Variants in EXOC6B observed in about 807,000 individuals in gnomAD.
The protein encoded by EXOC6B is exocyst complex component 6B.
Under a neutral mutation model 113.5 loss-of-function variants are expected in EXOC6B, and 54 were observed. That is an observed-to-expected ratio of 0.48 (90% CI 0.38 to 0.60). The LOEUF (loss-of-function observed/expected upper bound fraction) is 0.60. Among genes scored for constraint, EXOC6B ranks in the 20% least tolerant of loss-of-function variants. EXOC6B has a pLI of 0.00. For missense variants in EXOC6B, 797 were observed against 977.5 expected (o/e 0.82, Z 2.46); for synonymous variants, 357 against 339.0 (o/e 1.05, Z -0.58).
chr2:72,421,905 C>T (rs929203865), intron 18 of EXOC6B, among the ~76,000 whole-genome samples: 7 of 152,214 alleles, frequency 4.6e-5, no homozygotes, highest in African/African-American at 1.4e-4. Flanking sequence ...ATGGTCTTGG[C>T]GGCCCCGCAC....
At chr2:72,631,455 TATATATAGAGAGAG>T (rs1672441837) in intron 6 of EXOC6B, among the ~76,000 whole-genome samples, 68 of 18,266 alleles carry the variant, frequency 3.7e-3, no homozygotes, top group Non-Finnish European at 6.8e-3. Flanking sequence ...TATATATATA[TATATATAGAGAGAG>T]AGAGAGAGAG....
chr2:72,602,875 T>C (rs1329536501), intron 6 of EXOC6B, among the ~76,000 whole-genome samples: 1 of 152,116 alleles, frequency 6.6e-6, no homozygotes, highest in Non-Finnish European at 1.5e-5. Context: ...ATCACAGCCA[T>C]CAATGTCTAA....
intron 18 of EXOC6B, among the ~76,000 whole-genome samples, chr2:72,404,462 A>T (rs1693585246): frequency 6.6e-6 from 1 of 152,216 alleles, no homozygotes; most frequent in African/African-American, 2.4e-5. Flanking sequence ...ACCCCCCAGT[A>T]GGGGCAGACT....
intron 1 of EXOC6B, among the ~76,000 whole-genome samples, chr2:72,779,882 G>T (rs1411775774): frequency 6.6e-6 from 1 of 152,180 alleles, no homozygotes; most frequent in Non-Finnish European, 1.5e-5. Flanking sequence ...GTCCATTTTA[G>T]TACAAGATGA....
intron 8 of EXOC6B, chr2:72,515,358 C>A: frequency 1.9e-6 from 2 of 1,078,200 alleles, no homozygotes; most frequent in Non-Finnish European, 2.5e-6. Context: ...AGGAACCTAC[C>A]AGAACTTAAT....
chr2:72,521,975 C>T (rs549147866), intron 8 of EXOC6B, among the ~76,000 whole-genome samples: 1 of 152,202 alleles, frequency 6.6e-6, no homozygotes, highest in Non-Finnish European at 1.5e-5. Flanking sequence ...GGATTACAGG[C>T]ATGAGCCACT....
chr2:72,385,768 A>G lies in EXOC6B; in HGVS notation c.1981-5898T>C, dbSNP rs150667559. ...AGACGTATATGAAAACATGTACAAC[A>G]TCACTAGTCATCAGAAAAATGCAAA... On this transcript the variant is annotated intron_variant, in intron 18 of 21. Coordinates refer to ENST00000272427, the MANE Select transcript of EXOC6B (RefSeq NM_015189.3). 4.9e-3 allele frequency among the ~76,000 whole-genome samples: 745 copies of G among 152,326 alleles called. 9 individuals carry two copies. Among genetic ancestry groups the G allele is most frequent in the African/African-American group, 0.017 (691 of 41,580 alleles).
Position 72,379,865 on chromosome 2 carries a change from C to G in EXOC6B, c.1986G>C (p.Lys662Asn). ...TFAVFTHLPGKVAQTACMSAC... is the reference protein window; with the variant it reads ...TFAVFTHLPGNVAQTACMSAC... ...CTGACATACACGCTGTCTGGGCCAC[C>G]TTTCCCTGAAACACAAGAGTGTAAA... The change falls in exon 19 of 22, where the codon AAG becomes AAC. Residue 662 changes from lysine to asparagine, a missense_variant. By Grantham distance (94) the Lys-to-Asn change is moderately conservative (BLOSUM62 0). Transcript: ENST00000272427. 2.5e-6 allele frequency: 4 copies of G among 1,605,522 alleles called. No individual in the cohort carries two copies. The highest frequency in any genetic ancestry group is 1.3e-5 in the African/African-American group (1 of 74,896).
intron 20 of EXOC6B, among the ~76,000 whole-genome samples, chr2:72,188,491 A>C (rs1224237711): frequency 6.6e-6 from 1 of 152,200 alleles, no homozygotes; most frequent in Non-Finnish European, 1.5e-5. Flanking sequence ...TCTGAGACAG[A>C]TGGACAGAGA....
At chr2:72,277,363 TCCC>T (rs1447216571) in intron 20 of EXOC6B, among the ~76,000 whole-genome samples, 1 of 151,776 alleles carries the variant, frequency 6.6e-6, no homozygotes, top group African/African-American at 2.4e-5. Context: ...CTTCCTCCAT[TCCC>T]CCAACTTCTA....
At chr2:72,453,500 A>G (rs147917338) in intron 18 of EXOC6B, among the ~76,000 whole-genome samples, 4 of 152,240 alleles carry the variant, frequency 2.6e-5, no homozygotes, top group African/African-American at 9.6e-5. Context: ...CTCACTATGA[A>G]CATGTTTTTA....
chr2:72,409,911 T>C (rs1176306852), intron 18 of EXOC6B, among the ~76,000 whole-genome samples: 1 of 151,960 alleles, frequency 6.6e-6, no homozygotes, highest in Non-Finnish European at 1.5e-5. Flanking sequence ...CTTAAAAATA[T>C]AGACATGTTC....
At chr2:72,782,149 A>AT (rs1010604991) in intron 1 of EXOC6B, among the ~76,000 whole-genome samples, 1 of 151,656 alleles carries the variant, frequency 6.6e-6, no homozygotes, top group Non-Finnish European at 1.5e-5. Flanking sequence ...CAAAAAAAAA[A>AT]AAAAAAGAAA....
rs1182095819 is a variant in EXOC6B, at chr2:72,631,424, GTGTATA to G, written c.670-55762_670-55757del. 5.5e-3 allele frequency among the ~76,000 whole-genome samples: 124 copies of G among 22,360 alleles called. 9 individuals carry two copies. The highest frequency in any genetic ancestry group is 0.017 in the East Asian group (12 of 708). The allele number at this position is 22,360 out of a possible 152,430, so 14.7% of individuals were successfully genotyped here. On this transcript the variant is annotated intron_variant, in intron 6 of 21. Coordinates refer to ENST00000272427, the MANE Select transcript of EXOC6B (RefSeq NM_015189.3). ...TGTGTATATGTGTGTGTGTGTGTGT[GTGTATA>G]TATATATATATATATATATATATAT...
chr2:72,180,020 G>T (rs1677986166), intron 21 of EXOC6B, among the ~76,000 whole-genome samples: 1 of 152,184 alleles, frequency 6.6e-6, no homozygotes, highest in African/African-American at 2.4e-5. Flanking sequence ...CTAAGGGCTT[G>T]ACTGACCTTT....
At chr2:72,574,985 CCA>C (rs1704740499) in intron 7 of EXOC6B, among the ~76,000 whole-genome samples, 1 of 152,138 alleles carries the variant, frequency 6.6e-6, no homozygotes, top group South Asian at 2.1e-4. Flanking sequence ...CACAAAATTC[CCA>C]GTTACCCTGT....
At chr2:72,608,303 A>C (rs1274557072) in intron 6 of EXOC6B, among the ~76,000 whole-genome samples, 2 of 152,208 alleles carry the variant, frequency 1.3e-5, no homozygotes, top group Non-Finnish European at 2.9e-5. Context: ...GCAGAAAATA[A>C]GGAACAAACA....
chr2:72,824,337 G>C (rs985301439), intron 1 of EXOC6B, among the ~76,000 whole-genome samples: 11 of 152,162 alleles, frequency 7.2e-5, no homozygotes, highest in Admixed American at 2.0e-4. Context: ...AGTGAGCTAC[G>C]ATCACATCAC....
intron 6 of EXOC6B, among the ~76,000 whole-genome samples, chr2:72,618,883 T>C (rs1230648496): frequency 6.6e-6 from 1 of 152,196 alleles, no homozygotes. Flanking sequence ...CTCCTTACCA[T>C]ACTCATTGGT....
Sources: allele counts gnomAD v4.1 joint callset (sites outside exome capture counted in the v4.1 genomes callset), GRCh38; gene constraint gnomAD v4.1.1; transcripts MANE v1.5; gene names NCBI Gene and HGNC (gene_info 2026-07-23, HGNC 2026-07-21).